The following TEX36 variants were observed in gnomAD, a reference collection of about 807,000 sequenced individuals.
The protein encoded by TEX36 is testis expressed 36, also known as testis-expressed protein 36.
In TEX36, 12 loss-of-function variants were observed where a neutral mutation model predicts 13.6. That is an observed-to-expected ratio of 0.88 (90% confidence interval 0.56 to 1.43). The LOEUF is 1.43. Ranked by LOEUF, TEX36 falls within the 40% of genes most tolerant of loss-of-function variation. TEX36 has a pLI of 0.00. For synonymous variants in TEX36, 93 were observed against 83.0 expected (o/e 1.12, Z -0.65); for missense variants, 224 against 228.3 (o/e 0.98, Z 0.12).
At chr10:125,624,747 C>T (rs1271017080) in intron 3 of TEX36, among the ~76,000 whole-genome samples, 1 of 151,222 alleles carries the variant, frequency 6.6e-6, no homozygotes, top group Non-Finnish European at 1.5e-5. Context: ...GGAGTGTTGT[C>T]CAGCGCACTT....
chr10:125,648,369 G>C (rs193149665), intron 3 of TEX36, among the ~76,000 whole-genome samples: 1 of 152,202 alleles, frequency 6.6e-6, no homozygotes, highest in Non-Finnish European at 1.5e-5. Flanking sequence ...TGCAGCCTCC[G>C]CTGGTGATAC....
At chr10:125,610,514 T>C (rs1816145364) in intron 3 of TEX36, among the ~76,000 whole-genome samples, 1 of 151,986 alleles carries the variant, frequency 6.6e-6, no homozygotes, top group South Asian at 2.1e-4. Context: ...AAAGATCTCC[T>C]GGCGATGCCC....
intron 3 of TEX36, among the ~76,000 whole-genome samples, chr10:125,595,119 T>G (rs1310379705): frequency 6.6e-6 from 1 of 152,200 alleles, no homozygotes; most frequent in Non-Finnish European, 1.5e-5. Flanking sequence ...AATAATTTTA[T>G]AGAAATACAC....
intron 3 of TEX36, among the ~76,000 whole-genome samples, chr10:125,646,279 T>C (rs1340614126): frequency 2.0e-5 from 3 of 152,212 alleles, no homozygotes; most frequent in African/African-American, 7.2e-5. Context: ...TGAGACATGA[T>C]TATGCAACTG....
At chr10:125,593,707 G>C (rs1486424790) in intron 3 of TEX36, among the ~76,000 whole-genome samples, 2 of 152,134 alleles carry the variant, frequency 1.3e-5, no homozygotes, top group East Asian at 3.8e-4. Context: ...ACTACAAATA[G>C]GCAAATTCAT....
At chr10:125,590,372 TC>T (rs1265877030) in intron 3 of TEX36, among the ~76,000 whole-genome samples, 1 of 152,090 alleles carries the variant, frequency 6.6e-6, no homozygotes, top group African/African-American at 2.4e-5. Context: ...CACCTCGGCC[TC>T]CCAAAGTGCT....
intron 3 of TEX36, among the ~76,000 whole-genome samples, chr10:125,635,544 G>A (rs1417070636): frequency 1.3e-5 from 2 of 152,188 alleles, no homozygotes; most frequent in South Asian, 4.1e-4. Context: ...CCCTGCAACA[G>A]TGCTCTGCAT....
intron 3 of TEX36, 100 bp downstream of exon 3, chr10:125,660,921 C>G: frequency 9.9e-7 from 1 of 1,008,312 alleles, no homozygotes; most frequent in Non-Finnish European, 1.5e-6. Context: ...TGACCTTGTT[C>G]CAGTTTTGAG....
chr10:125,657,651 A>T (rs1247297845), intron 3 of TEX36, among the ~76,000 whole-genome samples: 1 of 152,104 alleles, frequency 6.6e-6, no homozygotes, highest in Middle Eastern at 3.2e-3. Flanking sequence ...AGGGAGGGAA[A>T]CAGAAAGAAA....
At chr10:125,656,698 G>A (rs1449735301) in intron 3 of TEX36, among the ~76,000 whole-genome samples, 3 of 152,166 alleles carry the variant, frequency 2.0e-5, no homozygotes, top group African/African-American at 2.4e-5. Flanking sequence ...AACCCTGGCA[G>A]GGTTCTGTTA....
chr10:125,617,062 T>C (rs1160162137), downstream of TEX36, among the ~76,000 whole-genome samples: 4 of 152,318 alleles, frequency 2.6e-5, no homozygotes, highest in Non-Finnish European at 4.4e-5. Flanking sequence ...TCTCTTTTGA[T>C]CTTTGTTGGT....
rs546017373 is a variant in TEX36 at position 125,633,526 on chromosome 10, G to A, written c.265-11881C>T. 2.0e-3 allele frequency among the ~76,000 whole-genome samples: 307 copies of A among 152,276 alleles called. 1 individual carries two copies. The highest frequency in any genetic ancestry group is 0.01 in the Middle Eastern group (3 of 294). ...AAAATGTAGAAAACAGAGGGAAAAC[G>A]ATTTCCCCAAATCCTGCCCCAACAC... On this transcript the variant is annotated intron_variant, in intron 3 of 3. Transcript: ENST00000526819.
chr10:125,593,905 TTTATG>T (rs772943339), intron 3 of TEX36, among the ~76,000 whole-genome samples: 2 of 152,200 alleles, frequency 1.3e-5, no homozygotes, highest in Non-Finnish European at 2.9e-5. Context: ...AATGGTTGAT[TTTATG>T]TTATGCAAAT....
chr10:125,675,857 C>T (rs1445232903), intron 1 of TEX36, among the ~76,000 whole-genome samples: 1 of 152,194 alleles, frequency 6.6e-6, no homozygotes, highest in African/African-American at 2.4e-5. Flanking sequence ...TAATTTTATC[C>T]CAATTTCTTC....
At chr10:125,647,938 C>T (rs567882554) in intron 3 of TEX36, among the ~76,000 whole-genome samples, 29 of 152,268 alleles carry the variant, frequency 1.9e-4, no homozygotes, top group South Asian at 1.2e-3. Flanking sequence ...AACTGCAAGG[C>T]GGCAGCAAGG....
intron 3 of TEX36, among the ~76,000 whole-genome samples, chr10:125,625,801 C>T (rs1030762736): frequency 1.3e-5 from 2 of 152,234 alleles, no homozygotes; most frequent in Admixed American, 6.5e-5. Context: ...ACTTTCGTGG[C>T]AAATACTTTC....
downstream of TEX36, among the ~76,000 whole-genome samples, chr10:125,619,163 T>G (rs1846397409): frequency 6.6e-6 from 1 of 151,486 alleles, no homozygotes; most frequent in Admixed American, 6.6e-5. Context: ...AAAATAAAAA[T>G]AAAGCCTTGG....
chr10:125,655,795 G>A lies in TEX36; in HGVS notation c.*105C>T. ...TTTTGACCTTATAAAAATCATAAAAGTACTTTAAAAATTAAATAGTGGTGC... is the reference window on the plus strand; with the variant it reads ...TTTTGACCTTATAAAAATCATAAAAATACTTTAAAAATTAAATAGTGGTGC... On this transcript the variant is annotated 3_prime_UTR_variant, in exon 4 of 4. Coordinates refer to ENST00000368821, the MANE Select transcript of TEX36 (RefSeq NM_001128202.3). The A allele has an allele frequency of 7.4e-7, 1 of 1,353,452 alleles. No homozygotes were observed. 83.8% of individuals were successfully genotyped at this position (1,353,452 alleles called of 1,614,324 possible).
At chr10:125,580,833 A>G (rs1283859600) in intron 3 of TEX36, among the ~76,000 whole-genome samples, 1 of 152,156 alleles carries the variant, frequency 6.6e-6, no homozygotes, top group Non-Finnish European at 1.5e-5. Context: ...GGATGGTCAC[A>G]TGACACAACC....
Sources: gnomAD v4.1 joint callset for allele counts (sites outside exome capture counted in the v4.1 genomes callset) on GRCh38, gnomAD v4.1.1 for gene constraint, MANE v1.5 for transcripts, NCBI Gene and HGNC (gene_info 2026-07-23, HGNC 2026-07-21) for gene names.